Variants in OPHN1 observed in about 807,000 individuals in gnomAD.
OPHN1 encodes the protein oligophrenin 1.
A neutral mutation model predicts 60.7 loss-of-function variants in OPHN1; 11 were observed. That is an observed-to-expected ratio of 0.18 (90% confidence interval 0.11 to 0.30). The LOEUF is 0.30. Among genes scored for constraint, OPHN1 ranks in the 10% least tolerant of loss-of-function variants. The probability of loss-of-function intolerance (pLI) is 1.00; values close to 1 mark genes in which losing one functional copy is unlikely to be tolerated. For synonymous variants in OPHN1, 226 were observed against 222.6 expected (o/e 1.02, Z -0.14); for missense variants, 449 against 611.0 (o/e 0.73, Z 2.80).
intron 5 of OPHN1, among the ~76,000 whole-genome samples, chrX:68,259,325 C>T (rs1249000700): frequency 9.0e-6 from 1 of 110,676 alleles, no homozygotes; most frequent in Non-Finnish European, 1.9e-5. Context: ...GTGGTACATG[C>T]CTATAGTTTC....
intron 18 of OPHN1, among the ~76,000 whole-genome samples, chrX:68,100,668 C>T (rs939778204): frequency 9.0e-6 from 1 of 111,275 alleles, no homozygotes; most frequent in Non-Finnish European, 1.9e-5. Flanking sequence ...ATAGTGAAGG[C>T]GAGAGTGAAT....
chrX:68,431,179 A>AG (rs2078883768), intron 2 of OPHN1, among the ~76,000 whole-genome samples: 1 of 112,018 alleles, frequency 8.9e-6, no homozygotes, highest in Non-Finnish European at 1.9e-5. Context: ...GCATATCCTT[A>AG]ACCTCTTAAG....
intron 2 of OPHN1, among the ~76,000 whole-genome samples, chrX:68,426,099 TG>T (rs1277973692): frequency 9.0e-6 from 1 of 111,220 alleles, no homozygotes; most frequent in Non-Finnish European, 1.9e-5. Context: ...CCAAAAGTGC[TG>T]GGATTACAGG....
At chrX:68,250,853 G>A (rs1161111361) in intron 5 of OPHN1, among the ~76,000 whole-genome samples, 1 of 111,257 alleles carries the variant, frequency 9.0e-6, no homozygotes, top group Non-Finnish European at 1.9e-5. Context: ...GTCATATCTA[G>A]CCCACTGTGC....
intron 11 of OPHN1, among the ~76,000 whole-genome samples, chrX:68,200,698 C>T (rs768895928): frequency 9.0e-6 from 1 of 111,641 alleles, no homozygotes; most frequent in Non-Finnish European, 1.9e-5. Flanking sequence ...CTTTATTCCC[C>T]AATTTTTTTA....
chrX:68,254,760 T>C (rs1329645210), intron 5 of OPHN1, among the ~76,000 whole-genome samples: 1 of 110,347 alleles, frequency 9.1e-6, no homozygotes, highest in Non-Finnish European at 1.9e-5. Context: ...CTCATACCTG[T>C]AATCCCAGCA....
chrX:68,396,938 C>G (rs997993033), intron 2 of OPHN1, among the ~76,000 whole-genome samples: 10 of 111,981 alleles, frequency 8.9e-5, no homozygotes, highest in Non-Finnish European at 1.7e-4. Flanking sequence ...GAGCTTCCCC[C>G]CAGGGGCATA....
intron 3 of OPHN1, among the ~76,000 whole-genome samples, chrX:68,296,333 G>A (rs187889663): frequency 4.2e-4 from 47 of 111,766 alleles, no homozygotes; most frequent in African/African-American, 1.5e-3. Flanking sequence ...AATGATCACT[G>A]AGTTAAAGAG....
intron 15 of OPHN1, chrX:68,133,163 G>A: frequency 1.4e-6 from 1 of 734,619 alleles, no homozygotes; most frequent in South Asian, 2.1e-5. Flanking sequence ...TAATCAGAGT[G>A]AAGCTTGTGC....
intron 15 of OPHN1, among the ~76,000 whole-genome samples, chrX:68,185,567 A>G (rs1489852247): frequency 9.0e-6 from 1 of 111,326 alleles, no homozygotes; most frequent in Non-Finnish European, 1.9e-5. Flanking sequence ...TGTATCTAGA[A>G]GGGTTCCAAT....
At chrX:68,148,419 C>T (rs79383505) in intron 15 of OPHN1, among the ~76,000 whole-genome samples, 7,484 of 109,689 alleles carry the variant, frequency 0.068, 429 homozygotes, top group East Asian at 0.38. Flanking sequence ...CAGTGGAGAC[C>T]AAATGAACAC....
In OPHN1 at chrX:68,387,200, TTC is replaced by T. The variant is rs61349611; in HGVS notation, c.154+45665_154+45666del. ...CTTCTCTTTTTCTCTTTCTTTCTGT[TTC>T]TCTCTCTCTCTCTCTCTCTGCCCTA... On this transcript the variant is annotated intron_variant, in intron 2 of 24. Transcript: ENST00000355520. Among the ~76,000 whole-genome samples the T allele has an allele frequency of 4.6e-3, 456 of 99,990 alleles. 3 individuals carry two copies. The highest frequency in any genetic ancestry group is 0.015 in the African/African-American group (426 of 27,701). 86.8% of individuals were successfully genotyped at this position (99,990 alleles called of 115,157 possible). A position where few individuals can be genotyped will look rare whatever the true frequency, so the allele number is the denominator to read the frequency against.
chrX:68,430,833 A>T (rs753824285), intron 2 of OPHN1, among the ~76,000 whole-genome samples: 1 of 110,804 alleles, frequency 9.0e-6, no homozygotes, highest in Non-Finnish European at 1.9e-5. Context: ...CAAAAACAAA[A>T]ATTGAAAAAA....
At chrX:68,356,906 A>G (rs990340707) in intron 2 of OPHN1, among the ~76,000 whole-genome samples, 7 of 111,575 alleles carry the variant, frequency 6.3e-5, no homozygotes, top group Non-Finnish European at 1.3e-4. Context: ...GTATGATCCC[A>G]TTTATATAAA....
At chrX:68,197,098 T>G in intron 12 of OPHN1, 88 bp downstream of exon 12, 1 of 659,991 alleles carries the variant, frequency 1.5e-6, no homozygotes, top group Non-Finnish European at 2.5e-6. Flanking sequence ...CCATTACCAT[T>G]TAATTGTCTG....
intron 3 of OPHN1, among the ~76,000 whole-genome samples, chrX:68,290,042 TC>T (rs1198384725): frequency 2.4e-4 from 27 of 111,696 alleles, no homozygotes; most frequent in Non-Finnish European, 4.5e-4. Context: ...AATAATTGAT[TC>T]TTTTTTTTTT....
At chrX:68,215,693 T>C (rs1181324242) in intron 6 of OPHN1, among the ~76,000 whole-genome samples, 8 of 111,215 alleles carry the variant, frequency 7.2e-5, no homozygotes, top group African/African-American at 2.6e-4. Context: ...TAAGAAACCA[T>C]GCAGAAAGAA....
intron 19 of OPHN1, among the ~76,000 whole-genome samples, chrX:68,094,943 G>A (rs2077032773): frequency 9.1e-6 from 1 of 110,384 alleles, no homozygotes; most frequent in African/African-American, 3.3e-5. Context: ...ACTCCCTATC[G>A]ATCTCTGCTG....
chrX:68,096,131 G>T (rs931871745), intron 19 of OPHN1, among the ~76,000 whole-genome samples: 1 of 111,142 alleles, frequency 9.0e-6, no homozygotes, highest in Non-Finnish European at 1.9e-5. Flanking sequence ...GGCCATAAAA[G>T]AATTCTCTGA....
Sources: gnomAD v4.1 joint callset for allele counts (sites outside exome capture counted in the v4.1 genomes callset) on GRCh38, gnomAD v4.1.1 for gene constraint, MANE v1.5 for transcripts, NCBI Gene and HGNC (gene_info 2026-07-23, HGNC 2026-07-21) for gene names.